The following RHOBTB1 variants were observed in gnomAD, a reference collection of about 807,000 sequenced individuals.
RHOBTB1 encodes rho-related BTB domain-containing protein 1.
Under a neutral mutation model 71.6 loss-of-function variants are expected in RHOBTB1, and 40 were observed. The ratio of observed to expected loss-of-function variants is 0.56; its 90% CI spans 0.43 to 0.73. RHOBTB1 has a LOEUF of 0.73. Ranked by LOEUF, RHOBTB1 falls within the 30% of genes least tolerant of loss-of-function variation. The pLI, the probability that RHOBTB1 is intolerant of heterozygous loss-of-function variation, is 0.00. For synonymous variants in RHOBTB1, 319 were observed against 334.9 expected (o/e 0.95, Z 0.52); for missense variants, 797 against 894.0 (o/e 0.89, Z 1.38).
intron 4 of RHOBTB1, 153 bp downstream of exon 4, chr10:60,910,734 A>ATTTTT: frequency 3.6e-6 from 2 of 560,390 alleles, no homozygotes; most frequent in Non-Finnish European, 6.3e-6. Context: ...AAACAATACC[A>ATTTTT]TTTTTTTTTC....
At chr10:60,942,710 A>G (rs1249766779) in intron 1 of RHOBTB1, among the ~76,000 whole-genome samples, 1 of 152,214 alleles carries the variant, frequency 6.6e-6, no homozygotes, top group African/African-American at 2.4e-5. Flanking sequence ...GTAGTTCCAA[A>G]TTTCTAAACA....
rs1480175191 is a variant in RHOBTB1 at position 60,929,946 on chromosome 10, C to T, written c.-11+11858G>A. Among the ~76,000 whole-genome samples the T allele has an allele frequency of 6.6e-5, 10 of 152,056 alleles. No homozygotes were observed. In the East Asian group the frequency reaches 1.7e-3, roughly 26 times the overall value. ...TTCTTGGCACATTTAAAAAGCTGAC[C>T]ACATACTGGGCCATAAGGCCCCAAA... On this transcript the variant is annotated intron_variant, in intron 2 of 10. Transcript: ENST00000337910.
intron 7 of RHOBTB1, among the ~76,000 whole-genome samples, chr10:60,879,569 T>G (rs890532641): frequency 7.2e-5 from 11 of 151,958 alleles, no homozygotes; most frequent in African/African-American, 2.7e-4. Flanking sequence ...GGTCTCAAAC[T>G]CCTGGCCTCA....
In RHOBTB1 at chr10:60,914,990, C is replaced by A. The variant is rs115741337; in HGVS notation, c.-10-3438G>T. On this transcript the variant is annotated intron_variant, in intron 2 of 10. Transcript: ENST00000337910. ...TCACTTGCTCCAGATGTGGAATTTC[C>A]AGGAAGCATTCACTGAATTCCCAAA... Among the ~76,000 whole-genome samples the A allele has an allele frequency of 1.3e-3, 195 of 152,242 alleles. 1 individual carries two copies. The highest frequency in any genetic ancestry group is 4.2e-3 in the African/African-American group (176 of 41,540).
At chr10:60,930,068 A>C (rs572526580) in intron 2 of RHOBTB1, among the ~76,000 whole-genome samples, 1 of 152,220 alleles carries the variant, frequency 6.6e-6, no homozygotes, top group South Asian at 2.1e-4. Flanking sequence ...GAACAAAAAA[A>C]TCTCAACCCT....
intron 4 of RHOBTB1, among the ~76,000 whole-genome samples, chr10:60,909,253 T>C (rs1322330786): frequency 1.3e-5 from 2 of 152,236 alleles, no homozygotes; most frequent in Admixed American, 6.5e-5. Flanking sequence ...ACACCAGCTT[T>C]ACGCTGAGGG....
intron 9 of RHOBTB1, among the ~76,000 whole-genome samples, chr10:60,873,844 G>T (rs1174367927): frequency 6.6e-6 from 1 of 152,250 alleles, no homozygotes; most frequent in Non-Finnish European, 1.5e-5. Context: ...TTGCCCTGGG[G>T]CAGAGGATCT....
At chr10:60,955,234 G>T (rs974717718) in intron 2 of RHOBTB1, among the ~76,000 whole-genome samples, 5 of 151,318 alleles carry the variant, frequency 3.3e-5, no homozygotes, top group African/African-American at 1.2e-4. Flanking sequence ...TAGTAGATGG[G>T]GTTTCACCAT....
chr10:60,868,368 C>T (rs12412961), downstream of RHOBTB1, among the ~76,000 whole-genome samples: 1,570 of 152,194 alleles, frequency 0.01, 51 homozygotes, highest in Admixed American at 0.062. Context: ...ATGGAAAGGG[C>T]GGACAAATCT....
chr10:60,943,406 A>G (rs2085027197), intron 1 of RHOBTB1, among the ~76,000 whole-genome samples: 1 of 152,182 alleles, frequency 6.6e-6, no homozygotes, highest in African/African-American at 2.4e-5. Flanking sequence ...GCACACACAG[A>G]CAAGGTAAGG....
chr10:60,940,718 T>C (rs2084856389), intron 2 of RHOBTB1, among the ~76,000 whole-genome samples: 2 of 152,310 alleles, frequency 1.3e-5, no homozygotes, highest in Non-Finnish European at 2.9e-5. Flanking sequence ...CATTCTGTCC[T>C]TTCCCAAACT....
intron 2 of RHOBTB1, among the ~76,000 whole-genome samples, chr10:60,937,786 C>A (rs1162223642): frequency 1.3e-5 from 2 of 152,132 alleles, no homozygotes; most frequent in African/African-American, 4.8e-5. Flanking sequence ...TCAAATGACT[C>A]CAGTAAATTT....
chr10:60,980,381 A>T (rs1472313701), intron 2 of RHOBTB1, among the ~76,000 whole-genome samples: 1 of 152,238 alleles, frequency 6.6e-6, no homozygotes, highest in East Asian at 1.9e-4. Context: ...CGATAAAAAA[A>T]TGATTAAACT....
chr10:60,953,515 C>T (rs968547495), intron 2 of RHOBTB1, among the ~76,000 whole-genome samples: 4 of 152,248 alleles, frequency 2.6e-5, no homozygotes, highest in Admixed American at 1.3e-4. Context: ...TACCTCAATC[C>T]GAACAATTCC....
intron 1 of RHOBTB1, among the ~76,000 whole-genome samples, chr10:60,989,337 T>C (rs10994594): frequency 0.061 from 9,258 of 152,322 alleles, 423 homozygotes; most frequent in South Asian, 0.13. Flanking sequence ...GCATTTGAGA[T>C]TATCACATGA....
chr10:60,959,180 A>G (rs2085697827), intron 2 of RHOBTB1, among the ~76,000 whole-genome samples: 1 of 152,190 alleles, frequency 6.6e-6, no homozygotes. Context: ...AAAAAAATAC[A>G]AAACAAACTC....
chr10:60,925,416 T>C (rs769844316), intron 2 of RHOBTB1, among the ~76,000 whole-genome samples: 1 of 152,208 alleles, frequency 6.6e-6, no homozygotes, highest in South Asian at 2.1e-4. Context: ...CCAAAACCTA[T>C]GGAACACTGC....
chr10:60,867,770 G>A (rs911638334), downstream of RHOBTB1, among the ~76,000 whole-genome samples: 1 of 152,182 alleles, frequency 6.6e-6, no homozygotes, highest in African/African-American at 2.4e-5. Flanking sequence ...ATGCAGCCAA[G>A]GGATATAGCA....
At chr10:60,902,213 C>T (rs2082446340) in intron 4 of RHOBTB1, among the ~76,000 whole-genome samples, 1 of 152,146 alleles carries the variant, frequency 6.6e-6, no homozygotes, top group African/African-American at 2.4e-5. Context: ...CTTCTGTGCG[C>T]CAGATGATTC....
Sources: allele counts gnomAD v4.1 joint callset (sites outside exome capture counted in the v4.1 genomes callset), GRCh38; gene constraint gnomAD v4.1.1; transcripts MANE v1.5; gene names NCBI Gene and HGNC (gene_info 2026-07-23, HGNC 2026-07-21).